TMTC1: variants seen among roughly 807,000 people sequenced by gnomAD.
TMTC1 encodes protein O-mannosyl-transferase TMTC1.
TMTC1 carries 73 observed loss-of-function variants against 104.8 expected under a neutral mutation model. The observed-to-expected ratio is 0.70, with a 90% confidence interval of 0.58 to 0.85. The LOEUF (loss-of-function observed/expected upper bound fraction) is 0.85, where lower values mean the gene tolerates loss of function less well. TMTC1 is among the 40% of genes least tolerant of loss of function. The pLI is 0.00. For missense variants in TMTC1, 1,035 were observed against 1,096.1 expected (o/e 0.94, Z 0.79); for synonymous variants, 434 against 428.7 (o/e 1.01, Z -0.15).
intron 5 of TMTC1, among the ~76,000 whole-genome samples, chr12:29,714,801 G>T (rs1942032752): frequency 6.6e-6 from 1 of 152,078 alleles, no homozygotes; most frequent in South Asian, 2.1e-4. Flanking sequence ...ACTCCCCAGG[G>T]AAAAAGGATG....
chr12:29,713,294 AACACAT>A (rs1941983146), intron 5 of TMTC1, among the ~76,000 whole-genome samples: 1 of 61,680 alleles, frequency 1.6e-5, no homozygotes, highest in African/African-American at 5.4e-5. Flanking sequence ...TCTCTACATA[AACACAT>A]ACACACACAC....
At chr12:29,598,704 A>G (rs1946476554) in intron 7 of TMTC1, among the ~76,000 whole-genome samples, 1 of 152,116 alleles carries the variant, frequency 6.6e-6, no homozygotes, top group South Asian at 2.1e-4. Context: ...AGCTATTGCA[A>G]ATGGAATTGT....
intron 5 of TMTC1, among the ~76,000 whole-genome samples, chr12:29,662,114 C>T (rs1053231618): frequency 6.6e-6 from 1 of 152,132 alleles, no homozygotes; most frequent in Non-Finnish European, 1.5e-5. Context: ...AAACAAAAGT[C>T]AAATCAAATA....
intron 8 of TMTC1, among the ~76,000 whole-genome samples, chr12:29,577,411 T>C (rs1019431744): frequency 1.3e-5 from 2 of 152,172 alleles, no homozygotes; most frequent in African/African-American, 2.4e-5. Flanking sequence ...ATGCTTCTCA[T>C]GTACTAGAAT....
intron 5 of TMTC1, among the ~76,000 whole-genome samples, chr12:29,718,079 G>A (rs1942134209): frequency 6.6e-6 from 1 of 152,134 alleles, no homozygotes; most frequent in Non-Finnish European, 1.5e-5. Flanking sequence ...GAAGTATCTT[G>A]TATTGAACCA....
chr12:29,673,352 G>C (rs741614), intron 5 of TMTC1, among the ~76,000 whole-genome samples: 32,484 of 152,178 alleles, frequency 0.21, 3,874 homozygotes, highest in East Asian at 0.29. Context: ...CTGTCATTCA[G>C]ATAACTGTCA....
Position 29,721,397 on chromosome 12 carries a change from C to T in TMTC1, c.938+30269G>A, listed in dbSNP as rs115167146. 6.6e-3 allele frequency among the ~76,000 whole-genome samples: 1,011 copies of T among 152,156 alleles called. 10 individuals are homozygous for T. The highest frequency in any genetic ancestry group is 0.023 in the African/African-American group (972 of 41,540). On this transcript the variant is annotated intron_variant, in intron 5 of 17. Transcript: ENST00000539277. The stretch of plus-strand genomic sequence containing the variant: ...GAAAAATGTATCAGCCAAACACTAA[C>T]CCAAAGAAATCTAGCATAGTTATAA...
intron 6 of TMTC1, among the ~76,000 whole-genome samples, chr12:29,611,340 C>T (rs906226630): frequency 6.6e-6 from 1 of 152,130 alleles, no homozygotes; most frequent in Non-Finnish European, 1.5e-5. Flanking sequence ...TCCCGGATTG[C>T]TTTACTCTAA....
chr12:29,696,135 C>T (rs111240482), intron 5 of TMTC1, among the ~76,000 whole-genome samples: 1 of 151,954 alleles, frequency 6.6e-6, no homozygotes, highest in African/African-American at 2.4e-5. Context: ...ATAAATTTTG[C>T]TCTTTATTTC....
intron 5 of TMTC1, among the ~76,000 whole-genome samples, chr12:29,741,558 C>A (rs968703210): frequency 3.9e-5 from 6 of 152,140 alleles, no homozygotes; most frequent in African/African-American, 1.4e-4. Context: ...AAATCAGAAT[C>A]CAAGTAACAC....
intron 6 of TMTC1, among the ~76,000 whole-genome samples, chr12:29,619,999 G>A (rs1012951953): frequency 1.3e-5 from 2 of 152,196 alleles, no homozygotes; most frequent in Non-Finnish European, 2.9e-5. Context: ...ATCAAACATA[G>A]ATTCTGGTCA....
chr12:29,709,091 C>T (rs73075453), intron 5 of TMTC1, among the ~76,000 whole-genome samples: 352 of 152,152 alleles, frequency 2.3e-3, no homozygotes, highest in Non-Finnish European at 4.0e-3. Context: ...TTTATTTTTG[C>T]ACTATATATC....
intron 5 of TMTC1, among the ~76,000 whole-genome samples, chr12:29,721,145 TA>T (rs1302574388): frequency 6.6e-6 from 1 of 152,308 alleles, no homozygotes; most frequent in Non-Finnish European, 1.5e-5. Flanking sequence ...ATTTTGGAAA[TA>T]TTTTTTAGTA....
chr12:29,664,617 C>G (rs1456646716), intron 5 of TMTC1, among the ~76,000 whole-genome samples: 1 of 152,174 alleles, frequency 6.6e-6, no homozygotes, highest in Non-Finnish European at 1.5e-5. Flanking sequence ...GTCCCAGACA[C>G]TAATCTAAGT....
chr12:29,761,050 ATTAATAAG>A (rs1943336511), intron 2 of TMTC1, among the ~76,000 whole-genome samples: 1 of 147,844 alleles, frequency 6.8e-6, no homozygotes, highest in African/African-American at 2.5e-5. Context: ...TGTATAACAT[ATTAATAAG>A]TATTATATGT....
intron 5 of TMTC1, among the ~76,000 whole-genome samples, chr12:29,688,292 G>A (rs1310785044): frequency 6.6e-6 from 1 of 152,252 alleles, no homozygotes; most frequent in East Asian, 1.9e-4. Flanking sequence ...AAAAACTACA[G>A]AATGATTTAT....
At chr12:29,544,355 C>T (rs1430466747) in intron 10 of TMTC1, among the ~76,000 whole-genome samples, 1 of 151,608 alleles carries the variant, frequency 6.6e-6, no homozygotes, top group Non-Finnish European at 1.5e-5. Context: ...CTCCCTCCCA[C>T]CCCCCATCCT....
At chr12:29,666,754 T>A (rs1389094504) in intron 5 of TMTC1, among the ~76,000 whole-genome samples, 1 of 152,226 alleles carries the variant, frequency 6.6e-6, no homozygotes, top group East Asian at 1.9e-4. Context: ...AAACACCTGA[T>A]AATTTTTGCC....
chr12:29,761,544 A>G (rs372523754), intron 2 of TMTC1, among the ~76,000 whole-genome samples: 2 of 151,276 alleles, frequency 1.3e-5, no homozygotes, highest in East Asian at 1.9e-4. Context: ...CTCTTTACAA[A>G]TCTTCACACT....
Sources: gnomAD v4.1 joint callset for allele counts (sites outside exome capture counted in the v4.1 genomes callset) on GRCh38, gnomAD v4.1.1 for gene constraint, MANE v1.5 for transcripts, NCBI Gene and HGNC (gene_info 2026-07-23, HGNC 2026-07-21) for gene names.